The following GRID2 variants were observed in gnomAD, a reference collection of about 807,000 sequenced individuals.
GRID2 encodes the protein glutamate receptor ionotropic, delta-2.
A neutral mutation model predicts 114.8 loss-of-function variants in GRID2; 33 were observed. The observed-to-expected ratio is 0.29, with a 90% CI of 0.22 to 0.38. The LOEUF (loss-of-function observed/expected upper bound fraction) is 0.38, where lower values mean the gene tolerates loss of function less well. Ranked by LOEUF, GRID2 falls within the 10% of genes least tolerant of loss-of-function variation. The probability of loss-of-function intolerance (pLI) is 1.00; values close to 1 mark genes in which losing one functional copy is unlikely to be tolerated. For missense variants in GRID2, 1,184 were observed against 1,257.7 expected, an observed-to-expected ratio of 0.94 and a Z score of 0.89; for synonymous variants, 505 against 449.9, an observed-to-expected ratio of 1.12 and a Z score of -1.55.
intron 1 of GRID2, among the ~76,000 whole-genome samples, chr4:92,464,967 G>C (rs1475195937): frequency 6.6e-6 from 1 of 152,050 alleles, no homozygotes. Flanking sequence ...TTGTTTAAAA[G>C]TGTGTAGCGT....
intron 8 of GRID2, among the ~76,000 whole-genome samples, chr4:93,332,003 C>G (rs1758515176): frequency 6.6e-6 from 1 of 152,064 alleles, no homozygotes; most frequent in South Asian, 2.1e-4. Context: ...ACAAGAGCCC[C>G]TTCAGGGTGA....
intron 14 of GRID2, among the ~76,000 whole-genome samples, chr4:93,737,333 A>T (rs184015498): frequency 4.3e-4 from 65 of 152,212 alleles, no homozygotes; most frequent in African/African-American, 1.5e-3. Context: ...GATAAAGTAG[A>T]TTGTCATGAT....
chr4:92,397,946 A>G (rs570930907), intron 1 of GRID2, among the ~76,000 whole-genome samples: 2 of 132,568 alleles, frequency 1.5e-5, no homozygotes, highest in Admixed American at 9.0e-5. Context: ...ATCACTTGCA[A>G]ATTTGTGTTC....
chr4:93,234,537 A>T (rs935230113), intron 7 of GRID2, among the ~76,000 whole-genome samples: 1 of 152,004 alleles, frequency 6.6e-6, no homozygotes, highest in Non-Finnish European at 1.5e-5. Flanking sequence ...ATTTGAGTGT[A>T]TATGTATATA....
At chr4:93,191,157 T>C (rs1259237659) in intron 4 of GRID2, among the ~76,000 whole-genome samples, 3 of 152,218 alleles carry the variant, frequency 2.0e-5, no homozygotes, top group Middle Eastern at 6.8e-3. Flanking sequence ...TTATTTTTAA[T>C]GGAGATTTTT....
rs184135403 is a variant in GRID2, at chr4:92,585,631, C to T, written c.89-4500C>T. Among the ~76,000 whole-genome samples the T allele has an allele frequency of 3.9e-3, 594 of 151,914 alleles. 4 individuals carry two copies. Among genetic ancestry groups the T allele is most frequent in the African/African-American group, 0.014 (565 of 41,494 alleles). ...ATGTATATCTTCCAATAATTCTATTCGCTGTGGAAAATTTCTTCAAGATAT... is the reference window on the plus strand; with the variant it reads ...ATGTATATCTTCCAATAATTCTATTTGCTGTGGAAAATTTCTTCAAGATAT... On this transcript the variant is annotated intron_variant, in intron 1 of 15. Transcript: ENST00000282020.
chr4:93,340,488 A>G (rs1485438164), intron 8 of GRID2, among the ~76,000 whole-genome samples: 2 of 152,080 alleles, frequency 1.3e-5, no homozygotes, highest in African/African-American at 4.8e-5. Flanking sequence ...AATCTCTCTG[A>G]AGTGCTAATT....
At chr4:93,273,618 A>G (rs956510764) in intron 8 of GRID2, among the ~76,000 whole-genome samples, 4 of 152,122 alleles carry the variant, frequency 2.6e-5, no homozygotes, top group Middle Eastern at 3.2e-3. Context: ...TTATCTGGGT[A>G]AGGCCAGAGT....
At chr4:92,742,077 GATATA>G (rs570226532) in intron 2 of GRID2, among the ~76,000 whole-genome samples, 167 of 152,132 alleles carry the variant, frequency 1.1e-3, no homozygotes, top group Non-Finnish European at 1.8e-3. Context: ...ATTATACTCT[GATATA>G]ATATAGGAAA....
chr4:92,851,217 C>T (rs1560638683), intron 2 of GRID2, among the ~76,000 whole-genome samples: 1 of 151,788 alleles, frequency 6.6e-6, no homozygotes. Flanking sequence ...CAGCCAAATA[C>T]TTTAAATAAA....
At chr4:92,508,520 C>A (rs1028123006) in intron 1 of GRID2, among the ~76,000 whole-genome samples, 8 of 151,796 alleles carry the variant, frequency 5.3e-5, no homozygotes, top group Non-Finnish European at 1.2e-4. Flanking sequence ...AAGTGGCATT[C>A]AGTTGAGACC....
intron 2 of GRID2, among the ~76,000 whole-genome samples, chr4:92,643,192 C>A (rs555137779): frequency 1.3e-5 from 2 of 151,652 alleles, no homozygotes; most frequent in African/African-American, 4.8e-5. Flanking sequence ...GCTTTGGGCG[C>A]TGTGGCCATT....
At chr4:93,581,545 TTGTTTC>T (rs1736984496) in intron 13 of GRID2, among the ~76,000 whole-genome samples, 1 of 152,184 alleles carries the variant, frequency 6.6e-6, no homozygotes, top group African/African-American at 2.4e-5. Context: ...GTTTTTGTTT[TTGTTTC>T]TGTCTTATAG....
At chr4:92,579,151 C>A (rs926703276) in intron 1 of GRID2, among the ~76,000 whole-genome samples, 1 of 151,962 alleles carries the variant, frequency 6.6e-6, no homozygotes, top group African/African-American at 2.4e-5. Context: ...TTTATCCAAA[C>A]GTGACTTTTA....
At chr4:92,476,948 G>T (rs998728214) in intron 1 of GRID2, among the ~76,000 whole-genome samples, 2 of 137,178 alleles carry the variant, frequency 1.5e-5, no homozygotes, top group African/African-American at 5.7e-5. Flanking sequence ...GTGGTCCAAA[G>T]AACAATGAAA....
At chr4:93,424,970 A>T (rs1450715200) in intron 10 of GRID2, among the ~76,000 whole-genome samples, 1 of 152,006 alleles carries the variant, frequency 6.6e-6, no homozygotes, top group Non-Finnish European at 1.5e-5. Flanking sequence ...TAGCTTTTTC[A>T]TTCTAGATTG....
At chr4:92,359,984 T>C (rs931714328) in intron 1 of GRID2, among the ~76,000 whole-genome samples, 20 of 152,150 alleles carry the variant, frequency 1.3e-4, no homozygotes, top group African/African-American at 3.9e-4. Context: ...TCTATCTGAA[T>C]TGTATTTCTT....
intron 2 of GRID2, among the ~76,000 whole-genome samples, chr4:92,909,635 A>T (rs776979943): frequency 6.6e-6 from 1 of 152,132 alleles, no homozygotes; most frequent in African/African-American, 2.4e-5. Context: ...TTGCCTTAAT[A>T]TTTTAATATT....
chr4:92,644,082 A>G (rs1731494411), intron 2 of GRID2, among the ~76,000 whole-genome samples: 1 of 151,772 alleles, frequency 6.6e-6, no homozygotes, highest in Non-Finnish European at 1.5e-5. Flanking sequence ...CATGATTAAA[A>G]AATAACAGAT....
Sources: gnomAD v4.1 joint callset for allele counts (sites outside exome capture counted in the v4.1 genomes callset) on GRCh38, gnomAD v4.1.1 for gene constraint, MANE v1.5 for transcripts, NCBI Gene and HGNC (gene_info 2026-07-23, HGNC 2026-07-21) for gene names.